The following CACNB2 variants were observed in gnomAD, a reference collection of about 807,000 sequenced individuals.
CACNB2 encodes calcium voltage-gated channel auxiliary subunit beta 2.
Under a neutral mutation model 73.3 loss-of-function variants are expected in CACNB2, and 42 were observed. That is an observed-to-expected ratio of 0.57 (90% CI 0.45 to 0.74). The LOEUF (loss-of-function observed/expected upper bound fraction) is 0.74, where lower values mean the gene tolerates loss of function less well. CACNB2 is among the 30% of genes least tolerant of loss of function. The pLI, the probability that CACNB2 is intolerant of heterozygous loss-of-function variation, is 0.00. For synonymous variants in CACNB2, 348 were observed against 310.3 expected (o/e 1.12, Z -1.28); for missense variants, 940 against 853.0 (o/e 1.10, Z -1.27).
At chr10:18,518,149 G>C (rs1025687539) in intron 7 of CACNB2, among the ~76,000 whole-genome samples, 187 bp from the exon 8 acceptor site, 1 of 152,170 alleles carries the variant, frequency 6.6e-6, no homozygotes, top group African/African-American at 2.4e-5. Flanking sequence ...ACAGTAACTT[G>C]AAACTTCAGG....
intron 2 of CACNB2, among the ~76,000 whole-genome samples, chr10:18,166,167 T>C (rs28392648): frequency 0.042 from 6,383 of 152,294 alleles, 438 homozygotes; most frequent in African/African-American, 0.15. Flanking sequence ...CATAAGTATT[T>C]CTAGGATAAA....
intron 2 of CACNB2, among the ~76,000 whole-genome samples, chr10:18,179,920 G>A (rs2033790008): frequency 1.3e-5 from 2 of 152,062 alleles, no homozygotes; most frequent in African/African-American, 4.8e-5. Flanking sequence ...ATTTTTCATA[G>A]TATTCTCCTT....
intron 2 of CACNB2, among the ~76,000 whole-genome samples, chr10:18,371,099 T>G (rs1364097626): frequency 6.6e-6 from 1 of 152,210 alleles, no homozygotes; most frequent in Non-Finnish European, 1.5e-5. Flanking sequence ...ATGTTTGAGT[T>G]CCACTGTATT....
At chr10:18,284,198 A>C (rs536559223) in intron 2 of CACNB2, among the ~76,000 whole-genome samples, 11 of 152,352 alleles carry the variant, frequency 7.2e-5, no homozygotes, top group Admixed American at 6.5e-4. Context: ...TTACGTGGAT[A>C]GTTAACAGGC....
chr10:18,237,081 A>C (rs2036473770), intron 2 of CACNB2, among the ~76,000 whole-genome samples: 1 of 152,184 alleles, frequency 6.6e-6, no homozygotes, highest in Admixed American at 6.5e-5. Flanking sequence ...GGGTGAGTGC[A>C]TTGCAATTGC....
intron 2 of CACNB2, among the ~76,000 whole-genome samples, chr10:18,159,326 GT>G (rs2032287287): frequency 6.6e-6 from 1 of 152,188 alleles, no homozygotes; most frequent in Non-Finnish European, 1.5e-5. Context: ...TTGCACACTT[GT>G]GTCCTTTGTG....
At chr10:18,492,868 G>T (rs531627830) in intron 3 of CACNB2, among the ~76,000 whole-genome samples, 5 of 152,056 alleles carry the variant, frequency 3.3e-5, no homozygotes, top group African/African-American at 1.2e-4. Context: ...GGCTTTAATG[G>T]GGGGTAAATA....
At chr10:18,154,487 A>T (rs984335347) in intron 2 of CACNB2, among the ~76,000 whole-genome samples, 2 of 151,088 alleles carry the variant, frequency 1.3e-5, no homozygotes, top group South Asian at 2.1e-4. Flanking sequence ...TTTTGTTTTG[A>T]GGTGGAGTCT....
At position 18,152,709 on chromosome 10, in the gene CACNB2, C is replaced by CAAAAAAAAA. The variant is rs772732675; in HGVS notation, c.213+1749_213+1757dup. On this transcript the variant is annotated intron_variant, in intron 2 of 13. Coordinates refer to ENST00000324631, the MANE Select transcript of CACNB2 (RefSeq NM_201596.3). ...TCATCATGCAGGACCTGAAACAGAC[C>CAAAAAAAAA]AAAAAAAAAAAAAAAAAAAAAAACA... Among the ~76,000 whole-genome samples, 162 of 49,284 alleles carry CAAAAAAAAA rather than the reference C, an allele frequency of 3.3e-3. 5 individuals are homozygous for CAAAAAAAAA. Among genetic ancestry groups the CAAAAAAAAA allele is most frequent in the East Asian group, 4.1e-3 (6 of 1,470 alleles). The allele number at this position is 49,284 out of a possible 152,430, so 32.3% of individuals were successfully genotyped here.
At chr10:18,519,725 C>A (rs2133171377) in intron 9 of CACNB2, 1 of 455,944 alleles carries the variant, frequency 2.2e-6, no homozygotes, top group African/African-American at 2.0e-5. Flanking sequence ...AGGAAGATTC[C>A]TTGAAAGAAT....
chr10:18,180,834 C>T (rs906610344), intron 2 of CACNB2, among the ~76,000 whole-genome samples: 13 of 151,918 alleles, frequency 8.6e-5, no homozygotes, highest in African/African-American at 2.9e-4. Flanking sequence ...TGCATGGTGG[C>T]ACATGCCTGT....
intron 2 of CACNB2, among the ~76,000 whole-genome samples, chr10:18,248,762 A>C (rs2036967977): frequency 6.6e-6 from 1 of 152,126 alleles, no homozygotes; most frequent in African/African-American, 2.4e-5. Flanking sequence ...CTCTCCTCAG[A>C]TCCTCATTTC....
At chr10:18,396,730 C>G (rs1318385181) in intron 2 of CACNB2, among the ~76,000 whole-genome samples, 1 of 152,226 alleles carries the variant, frequency 6.6e-6, no homozygotes, top group Non-Finnish European at 1.5e-5. Context: ...CTCGGCTTCC[C>G]AAAGTGCTGG....
chr10:18,279,832 C>T (rs909188440), intron 2 of CACNB2, among the ~76,000 whole-genome samples: 4 of 152,178 alleles, frequency 2.6e-5, no homozygotes, highest in Non-Finnish European at 4.4e-5. Context: ...GTAATCCCAG[C>T]ACTTTGGGAG....
chr10:18,428,897 G>A (rs1180916872), intron 3 of CACNB2, among the ~76,000 whole-genome samples: 1 of 152,010 alleles, frequency 6.6e-6, no homozygotes. Context: ...TTATATTTTT[G>A]CCAATAATTT....
chr10:18,471,694 G>A (rs2048196732), intron 3 of CACNB2, among the ~76,000 whole-genome samples: 1 of 152,146 alleles, frequency 6.6e-6, no homozygotes. Context: ...GCCATCTGAT[G>A]TTCTTCATTT....
chr10:18,514,922 T>TA (rs906445455), intron 7 of CACNB2: 4,291 of 1,002,958 alleles, frequency 4.3e-3, no homozygotes, highest in Non-Finnish European at 5.5e-3. Flanking sequence ...TAGCTTGTAC[T>TA]AAAAAAAAAA....
chr10:18,341,950 G>A (rs2041250376), intron 2 of CACNB2, among the ~76,000 whole-genome samples: 1 of 152,130 alleles, frequency 6.6e-6, no homozygotes, highest in South Asian at 2.1e-4. Context: ...CCCTCATTAA[G>A]TATTGTACGT....
chr10:18,350,038 G>A (rs1270600945), intron 2 of CACNB2, among the ~76,000 whole-genome samples: 1 of 152,162 alleles, frequency 6.6e-6, no homozygotes, highest in Non-Finnish European at 1.5e-5. Flanking sequence ...GAGGTCAGGA[G>A]TTTGAGACCA....
Sources: gnomAD v4.1 joint callset for allele counts (sites outside exome capture counted in the v4.1 genomes callset) on GRCh38, gnomAD v4.1.1 for gene constraint, MANE v1.5 for transcripts, NCBI Gene and HGNC (gene_info 2026-07-23, HGNC 2026-07-21) for gene names.